Variants in PCDHGA7 observed in about 807,000 individuals in gnomAD.
PCDHGA7 encodes protocadherin gamma-A7.
Under a neutral mutation model 58.3 loss-of-function variants are expected in PCDHGA7, and 44 were observed. The observed-to-expected ratio is 0.75, with a 90% CI of 0.59 to 0.97. The LOEUF (loss-of-function observed/expected upper bound fraction) is 0.97. Among genes scored for constraint, PCDHGA7 ranks in the 50% least tolerant of loss-of-function variants. The pLI is 0.00. For synonymous variants in PCDHGA7, 516 were observed against 504.2 expected (o/e 1.02, Z -0.31); for missense variants, 1,266 against 1,188.7 (o/e 1.06, Z -0.96).
At chr5:141,404,320 C>T (rs577477279) in intron 1 of PCDHGA7, 8 of 1,613,920 alleles carry the variant, frequency 5.0e-6, no homozygotes, top group Admixed American at 1.7e-5. Flanking sequence ...CTCAAGCCTC[C>T]TACTCAGTCT....
intron 1 of PCDHGA7, among the ~76,000 whole-genome samples, chr5:141,449,714 A>G (rs1188830159): frequency 2.6e-5 from 4 of 151,334 alleles, no homozygotes; most frequent in African/African-American, 7.3e-5. Flanking sequence ...CATTATTTTT[A>G]TATGATATGA....
At chr5:141,440,631 A>C (rs1036203175) in intron 1 of PCDHGA7, 2 of 152,224 alleles carry the variant, frequency 1.3e-5, no homozygotes, top group African/African-American at 4.8e-5. Flanking sequence ...ATGTTGAGAG[A>C]AATTCCTTAC....
intron 1 of PCDHGA7, chr5:141,414,562 A>G (rs770740530): frequency 3.1e-6 from 5 of 1,613,924 alleles, no homozygotes; most frequent in Non-Finnish European, 4.2e-6. Context: ...CTCCTACTTT[A>G]CCTATATCCC....
At position 141,503,992 on chromosome 5, in the gene PCDHGA7, A is replaced by G. The variant is rs1419698681; in HGVS notation, c.2484-1401A>G. 2.6e-5 allele frequency among the ~76,000 whole-genome samples: 4 copies of G among 152,116 alleles called. No homozygotes were observed. In the East Asian group the frequency reaches 7.7e-4, roughly 29 times the overall value. ...GGTGCCAAACCCTTCTTCTTACCTTACAGTCACTTAACTGTCTCTGCTGGT... is the reference window on the plus strand; with the variant it reads ...GGTGCCAAACCCTTCTTCTTACCTTGCAGTCACTTAACTGTCTCTGCTGGT... On this transcript the variant is annotated intron_variant, in intron 2 of 3. Transcript: ENST00000518325.
chr5:141,408,873 CCACCG>C (rs776180805), intron 1 of PCDHGA7: 50 of 1,613,104 alleles, frequency 3.1e-5, no homozygotes, highest in Non-Finnish European at 4.1e-5. Context: ...CCAAGAAGTG[CCACCG>C]CTCACATAGA....
At chr5:141,465,150 G>A (rs192648619) in intron 1 of PCDHGA7, among the ~76,000 whole-genome samples, 474 of 151,492 alleles carry the variant, frequency 3.1e-3, no homozygotes, top group Middle Eastern at 0.024. Context: ...GATATATGAA[G>A]GGACTCTAAA....
At chr5:141,418,463 C>G in intron 1 of PCDHGA7, 1 of 1,613,944 alleles carries the variant, frequency 6.2e-7, no homozygotes, top group South Asian at 1.1e-5. Context: ...GACTCTGGAC[C>G]GAGAAACGCA....
intron 1 of PCDHGA7, among the ~76,000 whole-genome samples, chr5:141,457,632 G>A (rs919693977): frequency 6.6e-6 from 1 of 152,142 alleles, no homozygotes; most frequent in African/African-American, 2.4e-5. Flanking sequence ...CTTATACTTG[G>A]CCTGATTATT....
At chr5:141,398,521 A>C in intron 1 of PCDHGA7, 1 of 1,613,690 alleles carries the variant, frequency 6.2e-7, no homozygotes, top group Non-Finnish European at 8.5e-7. Context: ...CCACACGCCA[A>C]AATTCACGCA....
intron 1 of PCDHGA7, chr5:141,392,600 G>A: frequency 2.0e-6 from 1 of 505,338 alleles, no homozygotes; most frequent in East Asian, 3.2e-5. Context: ...TCACCTACTG[G>A]AAGACAAATG....
At chr5:141,452,538 G>T (rs1330051133) in intron 1 of PCDHGA7, among the ~76,000 whole-genome samples, 1 of 152,148 alleles carries the variant, frequency 6.6e-6, no homozygotes, top group Non-Finnish European at 1.5e-5. Flanking sequence ...AGTTCATATT[G>T]ATACCTCCAG....
rs2154591356 is a variant in PCDHGA7, at chr5:141,493,972, C to G, written c.2425-835C>G. Among the ~76,000 whole-genome samples, 6 of 152,276 alleles carry G rather than the reference C, an allele frequency of 3.9e-5. No homozygotes were observed. In the Middle Eastern group the frequency reaches 0.014, roughly 345 times the overall value. On this transcript the variant is annotated intron_variant, in intron 1 of 3. Coordinates refer to ENST00000518325, the MANE Select transcript of PCDHGA7 (RefSeq NM_018920.4). This position sits in a 1 kb window ranked among gnomAD's most constrained non-coding sequence, Gnocchi z 4.3. ...CAGGAATGAAGTGGCTGGCCAGAGC[C>G]CCACACCTTCAGCTAGGTGGGAGAT...
At chr5:141,484,392 T>G (rs1454201773) in intron 1 of PCDHGA7, among the ~76,000 whole-genome samples, 1 of 152,162 alleles carries the variant, frequency 6.6e-6, no homozygotes, top group African/African-American at 2.4e-5. Flanking sequence ...TAAGAAAGGT[T>G]TGGTTTCCGC....
chr5:141,488,480 C>A (rs935896624), intron 1 of PCDHGA7, among the ~76,000 whole-genome samples: 6 of 152,298 alleles, frequency 3.9e-5, no homozygotes, highest in African/African-American at 1.4e-4. Flanking sequence ...GTTCCCCTAC[C>A]CAAAAACTGT....
intron 1 of PCDHGA7, chr5:141,409,079 T>C (rs2095221320): frequency 2.5e-6 from 4 of 1,613,908 alleles, no homozygotes; most frequent in Non-Finnish European, 3.4e-6. Context: ...ACATATGTTC[T>C]CATTGGATGA....
chr5:141,511,695 C>T lies in PCDHGA7; in HGVS notation c.*522C>T, dbSNP rs1009832192. 1 of 195,662 alleles carries T rather than the reference C, an allele frequency of 5.1e-6. No individual in the cohort carries two copies. Among genetic ancestry groups the T allele is most frequent in the Non-Finnish European group, 1.1e-5 (1 of 92,626 alleles). The allele number at this position is 195,662 out of a possible 1,614,324, so 12.1% of individuals were successfully genotyped here. On this transcript the variant is annotated 3_prime_UTR_variant, in exon 4 of 4. Coordinates refer to ENST00000518325, the MANE Select transcript of PCDHGA7 (RefSeq NM_018920.4). ...CTTCCCCCAAAGCATGGTTTGGTGC[C>T]AGCCCCTTCACCTCCTTCCAGAGCC...
intron 1 of PCDHGA7, chr5:141,422,103 A>C: frequency 6.2e-7 from 1 of 1,608,206 alleles, no homozygotes; most frequent in Admixed American, 1.7e-5. Context: ...CTTCTGAAAT[A>C]TTCCAATTGG....
At chr5:141,405,667 G>A (rs911046478) in intron 1 of PCDHGA7, among the ~76,000 whole-genome samples, 10 of 152,044 alleles carry the variant, frequency 6.6e-5, no homozygotes, top group Non-Finnish European at 7.4e-5. Flanking sequence ...TAGTAGAGAC[G>A]GGGTGTCACC....
intron 1 of PCDHGA7, chr5:141,398,054 A>C: frequency 1.3e-6 from 2 of 1,519,030 alleles, no homozygotes; most frequent in Non-Finnish European, 1.8e-6. Context: ...CGGAGATCCA[A>C]AAATCTACAA....
Sources: gnomAD v4.1 joint callset for allele counts (sites outside exome capture counted in the v4.1 genomes callset) on GRCh38, gnomAD v4.1.1 for gene constraint, Gnocchi (gnomAD v3.1) non-coding constraint, MANE v1.5 for transcripts, NCBI Gene and HGNC (gene_info 2026-07-23, HGNC 2026-07-21) for gene names.